The following CNTN5 variants were observed in gnomAD, a reference collection of about 807,000 sequenced individuals.
The protein encoded by CNTN5 is contactin 5.
CNTN5 carries 77 observed loss-of-function variants against 129.1 expected under a neutral mutation model. The observed-to-expected ratio is 0.60, with a 90% CI of 0.50 to 0.72. The LOEUF is 0.72. CNTN5 is among the 30% of genes least tolerant of loss of function. The probability of loss-of-function intolerance (pLI) is 0.00; values close to 1 mark genes in which losing one functional copy is unlikely to be tolerated. For missense variants in CNTN5, 1,478 were observed against 1,328.8 expected (o/e 1.11, Z -1.75); for synonymous variants, 509 against 465.6 (o/e 1.09, Z -1.20).
At chr11:99,207,875 G>T (rs1339217464) in intron 1 of CNTN5, among the ~76,000 whole-genome samples, 1 of 152,154 alleles carries the variant, frequency 6.6e-6, no homozygotes, top group African/African-American at 2.4e-5. Context: ...CCTGCAGTAA[G>T]TAATACTAAA....
chr11:100,248,627 G>A (rs898382342), intron 16 of CNTN5, among the ~76,000 whole-genome samples: 6 of 152,098 alleles, frequency 3.9e-5, no homozygotes, highest in Non-Finnish European at 8.8e-5. Context: ...GACGTATAAA[G>A]CAAACAGTAA....
intron 13 of CNTN5, among the ~76,000 whole-genome samples, chr11:100,123,800 C>T (rs1946098815): frequency 6.6e-6 from 1 of 151,856 alleles, no homozygotes; most frequent in Non-Finnish European, 1.5e-5. Flanking sequence ...AAAAATATTA[C>T]TATAAAATTG....
At chr11:100,076,306 T>A (rs940978812) in intron 13 of CNTN5, among the ~76,000 whole-genome samples, 5 of 152,162 alleles carry the variant, frequency 3.3e-5, no homozygotes, top group African/African-American at 1.2e-4. Flanking sequence ...GGGTGGCATG[T>A]GAGTTTTGTC....
intron 16 of CNTN5, among the ~76,000 whole-genome samples, chr11:100,251,167 T>TA (rs1949955435): frequency 1.3e-5 from 2 of 152,306 alleles, no homozygotes; most frequent in South Asian, 4.1e-4. Context: ...CTTATTAGCT[T>TA]AAAACATCAA....
At position 100,335,753 on chromosome 11, in the gene CNTN5, G is replaced by A. The variant is rs902231386; in HGVS notation, c.2731-4710G>A. 7.8e-4 allele frequency among the ~76,000 whole-genome samples: 115 copies of A among 147,758 alleles called. 1 individual carries two copies. Among genetic ancestry groups the A allele is most frequent in the African/African-American group, 2.2e-3 (89 of 40,134 alleles). ...ATTACACTCCAGCCTGGGCAATAGC[G>A]TGAGACTCCATCTCAAAAAAAAAAA... On this transcript the variant is annotated intron_variant, in intron 21 of 24. Transcript: ENST00000524871.
intron 1 of CNTN5, among the ~76,000 whole-genome samples, chr11:99,185,768 T>C (rs911409392): frequency 1.3e-5 from 2 of 151,216 alleles, no homozygotes; most frequent in African/African-American, 4.9e-5. Context: ...GGAAATAAAA[T>C]AAAGAGAAAT....
At chr11:99,382,853 T>TTTTTTTTTTTTTTTG (rs1940673646) in intron 2 of CNTN5, among the ~76,000 whole-genome samples, 1 of 84,404 alleles carries the variant, frequency 1.2e-5, no homozygotes, top group African/African-American at 4.6e-5. Context: ...AACTTTTTTT[T>TTTTTTTTTTTTTTTG]TTTTTTTTTT....
intron 2 of CNTN5, among the ~76,000 whole-genome samples, chr11:99,374,837 T>C (rs191094823): frequency 8.9e-4 from 81 of 91,382 alleles, no homozygotes; most frequent in African/African-American, 2.0e-3. Flanking sequence ...TAGAAAACTC[T>C]GAAAGAATGA....
intron 3 of CNTN5, among the ~76,000 whole-genome samples, chr11:99,688,530 T>C (rs533486771): frequency 6.6e-6 from 1 of 152,328 alleles, no homozygotes; most frequent in South Asian, 2.1e-4. Flanking sequence ...GAGTCAATCG[T>C]GTAAACTACT....
intron 3 of CNTN5, among the ~76,000 whole-genome samples, chr11:99,687,499 C>A (rs1408558992): frequency 6.6e-6 from 1 of 152,176 alleles, no homozygotes; most frequent in African/African-American, 2.4e-5. Context: ...CAGTTCTTAT[C>A]TTACAGTGCC....
At chr11:99,160,370 C>G (rs185361452) in intron 1 of CNTN5, among the ~76,000 whole-genome samples, 2 of 152,266 alleles carry the variant, frequency 1.3e-5, no homozygotes, top group Admixed American at 1.3e-4. Flanking sequence ...GGCAAGTATT[C>G]TGCAAAGGAC....
chr11:99,228,287 GAGTAGAATGAT>G lies in CNTN5; in HGVS notation c.-209-97045_-209-97035del, dbSNP rs571588610. Among the ~76,000 whole-genome samples, 23 of 152,232 alleles carry G rather than the reference GAGTAGAATGAT, an allele frequency of 1.5e-4. No homozygotes were observed. In the East Asian group the frequency reaches 1.5e-3, roughly 10 times the overall value. ...CAGGTAGAGAGTGGATGCAGGTAGA[GAGTAGAATGAT>G]AGTAGAATGATAGATACTAGAGGCT... On this transcript the variant is annotated intron_variant, in intron 1 of 24. Transcript: ENST00000524871.
At chr11:100,302,825 A>G (rs1197512461) in intron 20 of CNTN5, among the ~76,000 whole-genome samples, 6 of 151,626 alleles carry the variant, frequency 4.0e-5, no homozygotes, top group Non-Finnish European at 5.9e-5. Flanking sequence ...TTTCCTCCCA[A>G]TAAAGCGTAT....
intron 13 of CNTN5, among the ~76,000 whole-genome samples, chr11:100,167,156 A>C (rs1947665176): frequency 6.6e-6 from 1 of 151,842 alleles, no homozygotes; most frequent in African/African-American, 2.4e-5. Context: ...ATTCCAATTA[A>C]AACAGTACAC....
At chr11:99,620,274 T>G (rs1241970484) in intron 3 of CNTN5, among the ~76,000 whole-genome samples, 1 of 151,030 alleles carries the variant, frequency 6.6e-6, no homozygotes, top group Non-Finnish European at 1.5e-5. Flanking sequence ...TTATCCATAA[T>G]GAGTTCCAGA....
At chr11:99,226,504 T>C (rs1482608418) in intron 1 of CNTN5, among the ~76,000 whole-genome samples, 1 of 152,186 alleles carries the variant, frequency 6.6e-6, no homozygotes, top group Non-Finnish European at 1.5e-5. Context: ...TCATTTGTAC[T>C]GTCTTTCCCT....
At chr11:100,289,628 C>G (rs377746413) in intron 18 of CNTN5, among the ~76,000 whole-genome samples, 1 of 151,978 alleles carries the variant, frequency 6.6e-6, no homozygotes, top group African/African-American at 2.4e-5. Context: ...TAAGAGCTAT[C>G]TATGACAAAC....
intron 3 of CNTN5, among the ~76,000 whole-genome samples, chr11:99,632,076 A>G (rs642881): frequency 0.6 from 91,689 of 151,886 alleles, 28,513 homozygotes; most frequent in Admixed American, 0.69. Context: ...GGTTTCAGGT[A>G]TCCCCTGGGG....
intron 7 of CNTN5, among the ~76,000 whole-genome samples, chr11:99,931,091 T>C (rs112482359): frequency 6.9e-4 from 105 of 152,274 alleles, no homozygotes; most frequent in Non-Finnish European, 1.4e-3. Context: ...ACTAGTTACT[T>C]AATAATATCT....
Sources: gnomAD v4.1 joint callset for allele counts (sites outside exome capture counted in the v4.1 genomes callset) on GRCh38, gnomAD v4.1.1 for gene constraint, MANE v1.5 for transcripts, NCBI Gene and HGNC (gene_info 2026-07-23, HGNC 2026-07-21) for gene names.